Variants in LDB2 observed in about 807,000 individuals in gnomAD.
The protein encoded by LDB2 is LIM domain binding 2.
A neutral mutation model predicts 44.3 loss-of-function variants in LDB2; 12 were observed. The observed-to-expected ratio is 0.27, with a 90% CI of 0.17 to 0.44. LDB2 has a LOEUF of 0.44. LDB2 is among the 20% of genes least tolerant of loss of function. The pLI is 1.00. For missense variants in LDB2, 344 were observed against 473.5 expected (o/e 0.73, Z 2.54); for synonymous variants, 164 against 174.8 (o/e 0.94, Z 0.49).
At chr4:16,701,190 A>G (rs953256399) in intron 2 of LDB2, among the ~76,000 whole-genome samples, 2 of 152,226 alleles carry the variant, frequency 1.3e-5, no homozygotes, top group Non-Finnish European at 2.9e-5. Context: ...CTCGATTGTG[A>G]TTCTAATTCT....
intron 1 of LDB2, among the ~76,000 whole-genome samples, chr4:16,846,113 CA>C (rs374522770): frequency 0.032 from 3,621 of 111,724 alleles, 131 homozygotes; most frequent in African/African-American, 0.12. Flanking sequence ...GACTCTGTCT[CA>C]AAAAAAAAAA....
intron 2 of LDB2, among the ~76,000 whole-genome samples, chr4:16,603,397 A>G (rs1487858658): frequency 6.6e-6 from 1 of 152,184 alleles, no homozygotes; most frequent in Admixed American, 6.5e-5. Flanking sequence ...GCGCAGCAAG[A>G]GAGTGGTCCC....
At chr4:16,535,103 G>A (rs1392114362) in intron 5 of LDB2, among the ~76,000 whole-genome samples, 1 of 152,186 alleles carries the variant, frequency 6.6e-6, no homozygotes, top group Non-Finnish European at 1.5e-5. Context: ...GGAGCAAGGG[G>A]CTTCGGGTCA....
chr4:16,880,429 G>T (rs990550559), intron 1 of LDB2, among the ~76,000 whole-genome samples: 1 of 152,120 alleles, frequency 6.6e-6, no homozygotes, highest in Admixed American at 6.5e-5. Flanking sequence ...TCACAAAAGG[G>T]CCATAGGCTC....
intron 2 of LDB2, among the ~76,000 whole-genome samples, chr4:16,708,289 A>G (rs1755068154): frequency 6.6e-6 from 1 of 152,106 alleles, no homozygotes; most frequent in African/African-American, 2.4e-5. Flanking sequence ...TGAGGCCAGT[A>G]TGGGCAACAG....
intron 5 of LDB2, among the ~76,000 whole-genome samples, chr4:16,585,023 C>T (rs780705981): frequency 3.9e-5 from 6 of 152,132 alleles, no homozygotes; most frequent in Non-Finnish European, 7.4e-5. Context: ...CTGTTTTAAG[C>T]GAAAACTCTC....
At chr4:16,811,014 T>C (rs1169447177) in intron 1 of LDB2, among the ~76,000 whole-genome samples, 1 of 152,160 alleles carries the variant, frequency 6.6e-6, no homozygotes, top group Non-Finnish European at 1.5e-5. Flanking sequence ...CATCAGACAT[T>C]AGGTTCTCAT....
At chr4:16,823,157 C>T (rs1782425924) in intron 1 of LDB2, among the ~76,000 whole-genome samples, 1 of 152,198 alleles carries the variant, frequency 6.6e-6, no homozygotes, top group Non-Finnish European at 1.5e-5. Flanking sequence ...TCAGTACTGT[C>T]ACCATAGAAT....
Position 16,582,917 on chromosome 4 carries a change from G to A in LDB2, c.615+3005C>T, listed in dbSNP as rs1715306830. Among the ~76,000 whole-genome samples, 1 of 152,156 alleles carries A rather than the reference G, an allele frequency of 6.6e-6. No homozygotes were observed. Among genetic ancestry groups the A allele is most frequent in the Admixed American group, 6.5e-5 (1 of 15,280 alleles). ...GGAACGACAAGAGGGAACAGCAGGT[G>A]ATTTGATAACCCAAATCAAATGACA... On this transcript the variant is annotated intron_variant, in intron 5 of 7. Transcript: ENST00000304523. The surrounding 1 kb of genome is among the most constrained non-coding windows in gnomAD (Gnocchi z 4.8).
intron 5 of LDB2, among the ~76,000 whole-genome samples, chr4:16,524,889 A>G (rs1727644640): frequency 6.6e-6 from 1 of 152,202 alleles, no homozygotes; most frequent in Non-Finnish European, 1.5e-5. Context: ...CACTGGAAAT[A>G]TACAGCTTTT....
chr4:16,889,552 C>T (rs1722747788), intron 1 of LDB2, among the ~76,000 whole-genome samples: 1 of 152,146 alleles, frequency 6.6e-6, no homozygotes, highest in Admixed American at 6.5e-5. Context: ...CTATTAGGCT[C>T]ACAGATTCTT....
At chr4:16,869,739 G>A (rs959983013) in intron 1 of LDB2, among the ~76,000 whole-genome samples, 3 of 152,140 alleles carry the variant, frequency 2.0e-5, no homozygotes, top group African/African-American at 4.8e-5. Flanking sequence ...CAGTTCACGT[G>A]CTTCATTTTT....
chr4:16,878,433 A>G (rs1262473970), intron 1 of LDB2, among the ~76,000 whole-genome samples: 3 of 152,194 alleles, frequency 2.0e-5, no homozygotes, highest in East Asian at 3.8e-4. Flanking sequence ...CATACAATTC[A>G]CTGTCATCTT....
intron 5 of LDB2, among the ~76,000 whole-genome samples, chr4:16,550,515 C>T (rs1379737247): frequency 6.6e-6 from 1 of 152,158 alleles, no homozygotes. Context: ...AAGACATTTT[C>T]CCTTATTACA....
intron 1 of LDB2, among the ~76,000 whole-genome samples, chr4:16,808,495 T>A (rs1779200235): frequency 6.6e-6 from 1 of 152,300 alleles, no homozygotes; most frequent in African/African-American, 2.4e-5. Context: ...AGGGATTTTT[T>A]AAAGAGAAAA....
At chr4:16,638,723 C>T (rs767674182) in intron 2 of LDB2, among the ~76,000 whole-genome samples, 1 of 152,158 alleles carries the variant, frequency 6.6e-6, no homozygotes, top group Non-Finnish European at 1.5e-5. Context: ...ACCTGCCAAG[C>T]ACTGTGCTGG....
intron 2 of LDB2, among the ~76,000 whole-genome samples, chr4:16,690,626 C>A (rs1475466268): frequency 6.6e-6 from 1 of 151,638 alleles, no homozygotes; most frequent in Non-Finnish European, 1.5e-5. Context: ...GTTTTTTATA[C>A]CTGCTCTGAT....
intron 1 of LDB2, among the ~76,000 whole-genome samples, chr4:16,777,756 TTTA>T (rs562997726): frequency 2.9e-4 from 44 of 152,274 alleles, no homozygotes; most frequent in African/African-American, 9.9e-4. Context: ...TCTGCCTGGG[TTTA>T]TTGTCAAGAT....
chr4:16,891,749 C>T (rs544781072), intron 1 of LDB2, among the ~76,000 whole-genome samples: 61 of 152,300 alleles, frequency 4.0e-4, no homozygotes, highest in African/African-American at 1.3e-3. Flanking sequence ...ACACATCTAG[C>T]AGAATCAAGT....
Sources: allele counts gnomAD v4.1 joint callset (sites outside exome capture counted in the v4.1 genomes callset), GRCh38; gene constraint gnomAD v4.1.1; non-coding constraint Gnocchi (gnomAD v3.1); transcripts MANE v1.5; gene names NCBI Gene and HGNC (gene_info 2026-07-23, HGNC 2026-07-21).